The following HIVEP3 variants were observed in gnomAD, a reference collection of about 807,000 sequenced individuals.
HIVEP3 encodes HIVEP zinc finger 3.
HIVEP3 carries 49 observed loss-of-function variants against 152.8 expected under a neutral mutation model. That is an observed-to-expected ratio of 0.32 (90% CI 0.26 to 0.41). The LOEUF (loss-of-function observed/expected upper bound fraction) is 0.41. Among genes scored for constraint, HIVEP3 ranks in the 10% least tolerant of loss-of-function variants. HIVEP3 has a pLI of 1.00. For synonymous variants in HIVEP3, 1,269 were observed against 1,289.0 expected, an observed-to-expected ratio of 0.98 and a Z score of 0.33; for missense variants, 2,790 against 3,103.3, an observed-to-expected ratio of 0.90 and a Z score of 2.40.
intron 1 of HIVEP3, among the ~76,000 whole-genome samples, chr1:41,996,070 A>T (rs990589320): frequency 3.3e-5 from 5 of 152,124 alleles, no homozygotes; most frequent in African/African-American, 1.2e-4. Flanking sequence ...TCTCTGTGCC[A>T]CTATGTCTGT....
At chr1:41,742,435 C>T (rs757594659) in intron 1 of HIVEP3, among the ~76,000 whole-genome samples, 4 of 152,208 alleles carry the variant, frequency 2.6e-5, no homozygotes, top group East Asian at 3.8e-4. Flanking sequence ...TTCCATTGGT[C>T]GGATGTGGAG....
At chr1:41,955,745 C>A (rs1233794300) in intron 1 of HIVEP3, among the ~76,000 whole-genome samples, 2 of 152,040 alleles carry the variant, frequency 1.3e-5, no homozygotes. Context: ...AATGAGTTAC[C>A]CGGAGAAGTT....
intron 1 of HIVEP3, among the ~76,000 whole-genome samples, chr1:41,721,364 C>G (rs932952393): frequency 1.3e-5 from 2 of 152,156 alleles, no homozygotes; most frequent in African/African-American, 4.8e-5. Context: ...TGCCACCGCG[C>G]TCGACTAATT....
At chr1:41,676,934 T>C (rs1223652724) in intron 2 of HIVEP3, among the ~76,000 whole-genome samples, 1 of 152,178 alleles carries the variant, frequency 6.6e-6, no homozygotes, top group African/African-American at 2.4e-5. Flanking sequence ...TGGTGAAGGC[T>C]AGGGAGCCAG....
chr1:41,690,226 T>C (rs1385141231), intron 2 of HIVEP3, among the ~76,000 whole-genome samples: 1 of 151,452 alleles, frequency 6.6e-6, no homozygotes, highest in Non-Finnish European at 1.5e-5. Context: ...TGTTGGGAGG[T>C]TGGGGAAGGA....
intron 5 of HIVEP3, among the ~76,000 whole-genome samples, chr1:41,552,996 T>C (rs980400654): frequency 2.0e-5 from 3 of 152,252 alleles, no homozygotes; most frequent in African/African-American, 4.8e-5. Context: ...TGGAGAGTTC[T>C]GTAGATGTCT....
chr1:41,758,576 A>C (rs1445648754), intron 1 of HIVEP3, among the ~76,000 whole-genome samples: 2 of 152,254 alleles, frequency 1.3e-5, no homozygotes, highest in Admixed American at 1.3e-4. Flanking sequence ...TGGGGACCAG[A>C]ACCCAAGTTC....
intron 1 of HIVEP3, among the ~76,000 whole-genome samples, chr1:41,927,245 G>T (rs1644972738): frequency 6.6e-6 from 1 of 152,054 alleles, no homozygotes; most frequent in Admixed American, 6.5e-5. Flanking sequence ...CTCCCAATTG[G>T]GCACCCTTGG....
At chr1:41,964,361 T>C (rs1336459212) in intron 1 of HIVEP3, among the ~76,000 whole-genome samples, 1 of 152,186 alleles carries the variant, frequency 6.6e-6, no homozygotes, top group Admixed American at 6.5e-5. Flanking sequence ...GTGATTGTGC[T>C]ACCCCACCTG....
chr1:41,987,382 A>T (rs1645330512), intron 1 of HIVEP3, among the ~76,000 whole-genome samples: 1 of 152,100 alleles, frequency 6.6e-6, no homozygotes, highest in African/African-American at 2.4e-5. Flanking sequence ...TTAAAAAATA[A>T]AAATAAATAA....
chr1:41,695,989 C>T (rs1262730189), intron 2 of HIVEP3, among the ~76,000 whole-genome samples: 1 of 152,162 alleles, frequency 6.6e-6, no homozygotes, highest in Non-Finnish European at 1.5e-5. Context: ...TGTGTGACCT[C>T]CAGCAAATGA....
intron 1 of HIVEP3, among the ~76,000 whole-genome samples, chr1:41,706,465 A>G (rs1470323662): frequency 6.6e-6 from 1 of 152,194 alleles, no homozygotes; most frequent in Non-Finnish European, 1.5e-5. Context: ...TATTTTTAGT[A>G]GAAGCGGGGT....
At chr1:41,576,357 C>T (rs1251391280) in intron 4 of HIVEP3, among the ~76,000 whole-genome samples, 9 of 152,336 alleles carry the variant, frequency 5.9e-5, no homozygotes, top group East Asian at 5.8e-4. Context: ...GACCCACGCT[C>T]TTTACAGAGC....
Position 41,580,145 on chromosome 1 carries a change from C to T in HIVEP3, c.4653G>A (p.Val1551=), listed in dbSNP as rs1644379739. 1 of 1,613,858 alleles carries T rather than the reference C, an allele frequency of 6.2e-7. No homozygotes were observed. The highest frequency in any genetic ancestry group is 2.2e-5 in the East Asian group (1 of 44,884). The change falls in exon 4 of 9, where the codon GTG becomes GTA. Residue 1551 remains valine, a synonymous_variant. Transcript: ENST00000372583. The part of the protein sequence containing the change: ...PHRRGLTPLS[V]KKEDSKEQPD... ...GTTGTTCCTTGGAATCTTCTTTCTT[C>T]ACGCTCAGTGGGGTCAACCCTCTTC... is the stretch of plus-strand genomic sequence containing the variant.
intron 5 of HIVEP3, among the ~76,000 whole-genome samples, chr1:41,566,105 C>T (rs927575928): frequency 6.6e-6 from 1 of 152,180 alleles, no homozygotes; most frequent in Non-Finnish European, 1.5e-5. Context: ...TAGACCAACA[C>T]AGGAGATTTT....
At chr1:41,647,701 C>T (rs916361311) in intron 2 of HIVEP3, among the ~76,000 whole-genome samples, 1 of 152,264 alleles carries the variant, frequency 6.6e-6, no homozygotes, top group African/African-American at 2.4e-5. Context: ...CTCATTTCCA[C>T]ACCACTGTAG....
chr1:41,775,008 G>A (rs1460692023), intron 1 of HIVEP3, among the ~76,000 whole-genome samples: 2 of 151,922 alleles, frequency 1.3e-5, no homozygotes, highest in African/African-American at 2.4e-5. Flanking sequence ...TCACGATGTT[G>A]CCCAGGCTGG....
intron 2 of HIVEP3, among the ~76,000 whole-genome samples, chr1:41,643,778 G>A (rs1268533733): frequency 6.6e-6 from 1 of 152,064 alleles, no homozygotes; most frequent in Non-Finnish European, 1.5e-5. Context: ...GGGAAGGAAA[G>A]TGAAGGGCGT....
rs113452179 is a variant in HIVEP3 at position 41,702,132 on chromosome 1, G to A, written c.-800-1137C>T. On this transcript the variant is annotated intron_variant, in intron 1 of 8. Coordinates refer to ENST00000372583, the MANE Select transcript of HIVEP3 (RefSeq NM_024503.5). ...AAATGAGATAGTAGAAAGCATCCAGGTAAGGGCCTGGCACCAAGCAGAAGC... is the reference window on the plus strand; with the variant it reads ...AAATGAGATAGTAGAAAGCATCCAGATAAGGGCCTGGCACCAAGCAGAAGC... Among the ~76,000 whole-genome samples, 994 of 152,134 alleles carry A rather than the reference G, an allele frequency of 6.5e-3. 15 individuals are homozygous for A. The highest frequency in any genetic ancestry group is 0.023 in the African/African-American group (956 of 41,498).
Sources: gnomAD v4.1 joint callset for allele counts (sites outside exome capture counted in the v4.1 genomes callset) on GRCh38, gnomAD v4.1.1 for gene constraint, MANE v1.5 for transcripts, NCBI Gene and HGNC (gene_info 2026-07-23, HGNC 2026-07-21) for gene names.